The following PRTFDC1 variants were observed in gnomAD, a reference collection of about 807,000 sequenced individuals.
PRTFDC1 encodes the protein phosphoribosyl transferase domain containing 1, also known as phosphoribosyltransferase domain-containing protein 1.
Under a neutral mutation model 34.6 loss-of-function variants are expected in PRTFDC1, and 38 were observed. The ratio of observed to expected loss-of-function variants is 1.10; its 90% confidence interval spans 0.85 to 1.44. PRTFDC1 has a LOEUF of 1.44. Among genes scored for constraint, PRTFDC1 ranks in the 40% most tolerant of loss-of-function variants. The pLI is 0.00. For missense variants in PRTFDC1, 270 were observed against 283.0 expected (o/e 0.95, Z 0.33); for synonymous variants, 93 against 98.1 (o/e 0.95, Z 0.31).
At chr10:24,918,748 A>G (rs1163106969) in intron 3 of PRTFDC1, among the ~76,000 whole-genome samples, 3 of 152,204 alleles carry the variant, frequency 2.0e-5, no homozygotes, top group African/African-American at 4.8e-5. Context: ...GTTCCAAGAC[A>G]TTAAAGATAA....
chr10:24,937,496 G>C, intron 2 of PRTFDC1, 129 bp from the exon 3 acceptor site: 3 of 683,334 alleles, frequency 4.4e-6, no homozygotes, highest in Middle Eastern at 3.5e-4. Context: ...TTGGGAAACA[G>C]AAACCCACCG....
chr10:24,920,787 T>A (rs1362626008), intron 3 of PRTFDC1, among the ~76,000 whole-genome samples: 1 of 152,090 alleles, frequency 6.6e-6, no homozygotes, highest in Non-Finnish European at 1.5e-5. Context: ...AAAATAACTA[T>A]CCCTGAAAAA....
chr10:24,887,708 T>C lies in PRTFDC1; in HGVS notation c.340-15645A>G, dbSNP rs532455524. 2.6e-5 allele frequency among the ~76,000 whole-genome samples: 4 copies of C among 152,250 alleles called. No homozygotes were observed. The South Asian group carries it at 8.3e-4, about 32-fold the overall frequency. ...GTCACATCTCTGCCTGTCAAAATCA[T>C]AATCATGCTTAGATATCCAAATTAA... is the stretch of plus-strand genomic sequence containing the variant. On this transcript the variant is annotated intron_variant, in intron 3 of 8. Transcript: ENST00000320152.
chr10:24,892,330 C>T (rs906020656), intron 3 of PRTFDC1, among the ~76,000 whole-genome samples: 14 of 152,074 alleles, frequency 9.2e-5, no homozygotes, highest in South Asian at 6.2e-4. Flanking sequence ...CCATACTGTT[C>T]GCCATAGTAG....
intron 3 of PRTFDC1, among the ~76,000 whole-genome samples, chr10:24,933,894 T>G (rs924786366): frequency 3.3e-5 from 5 of 152,050 alleles, no homozygotes; most frequent in African/African-American, 1.2e-4. Flanking sequence ...GGTTTCACCA[T>G]GTTGACCAAG....
At chr10:24,887,621 C>T (rs190519748) in intron 3 of PRTFDC1, among the ~76,000 whole-genome samples, 8 of 152,234 alleles carry the variant, frequency 5.3e-5, no homozygotes, top group African/African-American at 1.2e-4. Context: ...TACCCAGTCT[C>T]GGTGTGTCCT....
At chr10:24,875,005 A>T (rs1847938372) in intron 3 of PRTFDC1, among the ~76,000 whole-genome samples, 1 of 152,130 alleles carries the variant, frequency 6.6e-6, no homozygotes, top group East Asian at 1.9e-4. Flanking sequence ...GAAGAAGGGC[A>T]TGTTTGTTTC....
intron 3 of PRTFDC1, among the ~76,000 whole-genome samples, chr10:24,887,718 T>A (rs1423055656): frequency 6.6e-6 from 1 of 152,098 alleles, no homozygotes; most frequent in Non-Finnish European, 1.5e-5. Flanking sequence ...TAATCATGCT[T>A]AGATATCCAA....
At chr10:24,876,197 T>C (rs1161490737) in intron 3 of PRTFDC1, among the ~76,000 whole-genome samples, 1 of 150,956 alleles carries the variant, frequency 6.6e-6, no homozygotes, top group African/African-American at 2.4e-5. Flanking sequence ...CTGAGCAACA[T>C]AGTGAGACCA....
At chr10:24,894,978 C>T (rs746778277) in intron 3 of PRTFDC1, among the ~76,000 whole-genome samples, 51 of 152,036 alleles carry the variant, frequency 3.4e-4, no homozygotes, top group African/African-American at 4.3e-4. Flanking sequence ...ACAGAGAAGC[C>T]GAGTGGTTCA....
chr10:24,880,847 C>CTTTCTTTCTTTCTT (rs1555046666), intron 3 of PRTFDC1, among the ~76,000 whole-genome samples: 36 of 149,222 alleles, frequency 2.4e-4, no homozygotes, highest in African/African-American at 7.7e-4. Context: ...TTCTTTCTTT[C>CTTTCTTTCTTTCTT]TTTCTTTCTT....
At chr10:24,880,863 C>CTT (rs1555046686) in intron 3 of PRTFDC1, among the ~76,000 whole-genome samples, 1 of 146,480 alleles carries the variant, frequency 6.8e-6, no homozygotes, top group Non-Finnish European at 1.5e-5. Context: ...TTCTTTCTTT[C>CTT]TTTCTTTCTT....
chr10:24,928,273 G>A (rs974774706), intron 3 of PRTFDC1, among the ~76,000 whole-genome samples: 1 of 151,326 alleles, frequency 6.6e-6, no homozygotes, highest in Non-Finnish European at 1.5e-5. Flanking sequence ...ATGTATGTGT[G>A]TGTGCATGTG....
intron 3 of PRTFDC1, among the ~76,000 whole-genome samples, chr10:24,919,874 A>C (rs914296378): frequency 6.6e-6 from 1 of 152,154 alleles, no homozygotes; most frequent in South Asian, 2.1e-4. Flanking sequence ...ATGAAAAAAA[A>C]CTCAACATCA....
intron 6 of PRTFDC1, 138 bp from the exon 7 acceptor site, chr10:24,855,502 A>G: frequency 2.1e-6 from 2 of 963,606 alleles, no homozygotes; most frequent in Non-Finnish European, 1.6e-6. Context: ...CTGGATAAAA[A>G]GAAGACAGCA....
chr10:24,877,274 A>G (rs1401857899), intron 3 of PRTFDC1, among the ~76,000 whole-genome samples: 3 of 152,106 alleles, frequency 2.0e-5, no homozygotes, highest in Admixed American at 6.6e-5. Flanking sequence ...GGCTACAGTG[A>G]TCCTCCTGCC....
At chr10:24,911,685 G>T (rs1424490110) in intron 3 of PRTFDC1, among the ~76,000 whole-genome samples, 1 of 151,932 alleles carries the variant, frequency 6.6e-6, no homozygotes, top group Non-Finnish European at 1.5e-5. Context: ...GGCTAACATG[G>T]TGAAACCCTG....
intron 3 of PRTFDC1, among the ~76,000 whole-genome samples, chr10:24,909,172 T>C (rs186210416): frequency 6.6e-6 from 1 of 152,224 alleles, no homozygotes; most frequent in Non-Finnish European, 1.5e-5. Flanking sequence ...TCCCAGTTAC[T>C]TGGGAGACTG....
intron 3 of PRTFDC1, among the ~76,000 whole-genome samples, chr10:24,909,440 A>C (rs1455857100): frequency 6.6e-6 from 1 of 152,214 alleles, no homozygotes; most frequent in Non-Finnish European, 1.5e-5. Flanking sequence ...AGCTTCCTTT[A>C]CTAGGCTATG....
Sources: gnomAD v4.1 joint callset for allele counts (sites outside exome capture counted in the v4.1 genomes callset) on GRCh38, gnomAD v4.1.1 for gene constraint, MANE v1.5 for transcripts, NCBI Gene and HGNC (gene_info 2026-07-23, HGNC 2026-07-21) for gene names.